Variants in SLC15A3 observed in about 807,000 individuals in gnomAD.
The protein encoded by SLC15A3 is osteoclast transporter.
A neutral mutation model predicts 49.2 loss-of-function variants in SLC15A3; 39 were observed. The ratio of observed to expected loss-of-function variants is 0.79; its 90% confidence interval spans 0.61 to 1.04. The LOEUF is 1.04. Ranked by LOEUF, SLC15A3 falls within the 50% of genes least tolerant of loss-of-function variation. The pLI is 0.00. For missense variants in SLC15A3, 758 were observed against 794.8 expected, an observed-to-expected ratio of 0.95 and a Z score of 0.56; for synonymous variants, 339 against 367.0, an observed-to-expected ratio of 0.92 and a Z score of 0.87.
chr11:60,937,789 T>A (rs1856642112), intron 7 of SLC15A3, 81 bp downstream of exon 7: 1 of 1,509,378 alleles, frequency 6.6e-7, no homozygotes, highest in African/African-American at 1.4e-5. Context: ...CTCCCCAGAG[T>A]CAAAGCACTT....
rs568756172 is a variant in SLC15A3, at chr11:60,938,670, C to T, written c.1436-645G>A. Among the ~76,000 whole-genome samples, 3 of 152,302 alleles carry T rather than the reference C, an allele frequency of 2.0e-5. No individual in the cohort carries two copies. The East Asian group carries it at 5.8e-4, about 29-fold the overall frequency. On this transcript the variant is annotated intron_variant, in intron 6 of 7. Transcript: ENST00000227880. ...CTTCGGCTCCCTGCACCTCCCATGC[C>T]TCTCCAGCCCTATCCCCCACGCTTC...
intron 2 of SLC15A3, among the ~76,000 whole-genome samples, chr11:60,944,090 C>A (rs769759579): frequency 6.6e-6 from 1 of 152,170 alleles, no homozygotes; most frequent in Non-Finnish European, 1.5e-5. Context: ...ACCTGGGAGA[C>A]GGATGTTGCA....
chr11:60,937,581 G>T, intron 7 of SLC15A3: 2 of 748,890 alleles, frequency 2.7e-6, no homozygotes, highest in Non-Finnish European at 4.5e-6. Flanking sequence ...TCAGAAGGGG[G>T]CGTGAAATAT....
chr11:60,950,938 C>T (rs1856904609), intron 1 of SLC15A3, 56 bp downstream of exon 1: 1 of 1,381,596 alleles, frequency 7.2e-7, no homozygotes, highest in Non-Finnish European at 9.3e-7. Context: ...TGGGGGCCAG[C>T]CCTCCTTCCC....
In SLC15A3 at chr11:60,951,403, A is replaced by G; in HGVS notation, c.149T>C (p.Phe50Ser). ...CAGCACGAGGTTGGCGGTGACGCCG[A>G]AGAAGGCGGCGCGCTCCAGCATCTC... Reference protein sequence around the residue: ...LVEMLERAAFFGVTANLVLYL... With the variant: ...LVEMLERAAFSGVTANLVLYL... Residue 50 changes from phenylalanine to serine, a missense_variant, in exon 1 of 8, where the codon TTC (phenylalanine) becomes TCC (serine). Coordinates refer to ENST00000227880, the MANE Select transcript of SLC15A3 (RefSeq NM_016582.3). The G allele has an allele frequency of 6.5e-7, 1 of 1,534,626 alleles. No homozygotes were observed. The highest frequency in any genetic ancestry group is 8.7e-7 in the Non-Finnish European group (1 of 1,146,070).
chr11:60,946,657 A>T lies in SLC15A3; in HGVS notation c.723T>A (p.Phe241Leu). 6.2e-7 allele frequency: 1 copy of T among 1,614,116 alleles called. No individual in the cohort carries two copies. Among genetic ancestry groups the T allele is most frequent in the Non-Finnish European group, 8.5e-7 (1 of 1,179,980 alleles). The part of the protein sequence containing the change: ...SIPVGCVGLA[F>L]FIFLFATPVF... ...CGGGGGTGGCAAAGAGGAAGATGAA[A>T]AATGCCAGGCCCACACAGCCCACAG... The change falls in exon 2 of 8, where the codon TTT (phenylalanine) becomes TTA (leucine). Residue 241 changes from phenylalanine to leucine, a missense_variant. Phe to Leu is a conservative substitution (Grantham distance 22). Transcript: ENST00000227880.
intron 5 of SLC15A3, 59 bp from the exon 6 acceptor site, chr11:60,939,697 G>A (rs1329238499): frequency 1.3e-6 from 2 of 1,586,064 alleles, no homozygotes; most frequent in Non-Finnish European, 1.7e-6. Flanking sequence ...TTAGCCCACA[G>A]AAGAGCTTGT....
At chr11:60,948,464 T>G (rs570103484) in intron 1 of SLC15A3, among the ~76,000 whole-genome samples, 105 of 152,318 alleles carry the variant, frequency 6.9e-4, no homozygotes, top group Non-Finnish European at 1.1e-3. Context: ...AGCAAGTATG[T>G]GAAACACGCA....
chr11:60,946,508 C>T (rs1281264430), intron 2 of SLC15A3, 24 bp downstream of exon 2: 3 of 1,529,546 alleles, frequency 2.0e-6, no homozygotes, highest in African/African-American at 1.4e-5. Context: ...TTGGAGGCTC[C>T]CTGCACCCAG....
intron 5 of SLC15A3, chr11:60,940,590 A>C (rs1046302564): frequency 6.6e-6 from 1 of 152,216 alleles, no homozygotes; most frequent in African/African-American, 2.4e-5. Context: ...GACATAGCTC[A>C]GAGACTCTAA....
rs769865109 is a variant in SLC15A3, at chr11:60,937,910, C to G, written c.1551G>C (p.Leu517=). 4.3e-6 allele frequency: 7 copies of G among 1,614,068 alleles called. No individual in the cohort carries two copies. In the African/African-American group the frequency reaches 5.3e-5, roughly 12 times the overall value. ...AGTGCAGCCAGCCCCCGGGCAAGGA[C>G]AGCAGTGCCACTAGGCTGGAGCCCA... ...SLLGSSLVAL[L]SLPGGWLHCP... The change falls in exon 7 of 8, where the codon CTG becomes CTC. Residue 517 remains leucine (L), a synonymous_variant. Transcript: ENST00000227880.
intron 5 of SLC15A3, chr11:60,940,881 T>C (rs1856697835): frequency 5.4e-6 from 2 of 367,740 alleles, no homozygotes; most frequent in Non-Finnish European, 9.2e-6. Context: ...AAGGAGCTGA[T>C]AATTCACTGG....
chr11:60,937,188 A>T lies in SLC15A3; in HGVS notation c.*31T>A. On this transcript the variant is annotated 3_prime_UTR_variant, in exon 8 of 8. Transcript: ENST00000227880. ...GGGACTGCTGCCGTCTGTCCGGTAG[A>T]GTGAAGCAAGGGGGCTGGAATAGGG... is the stretch of plus-strand genomic sequence containing the variant. The T allele has an allele frequency of 3.1e-6, 5 of 1,601,904 alleles. No individual in the cohort carries two copies. The highest frequency in any genetic ancestry group is 4.3e-6 in the Non-Finnish European group (5 of 1,171,316).
intron 1 of SLC15A3, among the ~76,000 whole-genome samples, chr11:60,949,372 GAGAA>G (rs1438280733): frequency 3.7e-5 from 4 of 109,540 alleles, no homozygotes; most frequent in East Asian, 2.0e-4. Context: ...AGGAAAGAAA[GAGAA>G]AGAAAGAGAG....
Position 60,943,763 on chromosome 11 carries a change from C to T in SLC15A3, c.922G>A (p.Ala308Thr), listed in dbSNP as rs772096483. ...QPGASPQEDIANFQVLVKILP... is the reference protein window; with the variant it reads ...QPGASPQEDITNFQVLVKILP... Reference sequence around the variant, plus strand: ...ATCTTCACCAGCACCTGGAAGTTGGCGATGTCCTCTTGCGGGGAAGCCCCT... The same window carrying T: ...ATCTTCACCAGCACCTGGAAGTTGGTGATGTCCTCTTGCGGGGAAGCCCCT... Residue 308 changes from alanine (A) to threonine (T), a missense_variant, in exon 3 of 8, where the codon GCC (alanine) becomes ACC (threonine). By Grantham distance (58) the Ala-to-Thr change is moderately conservative. Around this residue, in one of 3 missense-constraint regions of SLC15A3, gnomAD observed 699 missense variants for 706.7 expected, o/e 0.99. Coordinates refer to ENST00000227880, the MANE Select transcript of SLC15A3 (RefSeq NM_016582.3). 1.4e-5 allele frequency: 22 copies of T among 1,604,694 alleles called. No homozygotes were observed. Among genetic ancestry groups the T allele is most frequent in the East Asian group, 2.3e-5 (1 of 44,224 alleles).
In SLC15A3 at chr11:60,946,561, G is replaced by A. The variant is rs767414465; in HGVS notation, c.819C>T (p.Cys273=). ...SMLKLALQNC[C]PQLWQRHSAR... is the part of the protein sequence containing the mutation. ...CCGAGTGTCGTTGCCACAGCTGGGG[G>A]CAGCAGTTTTGGAGAGCGAGCTTAA... The change falls in exon 2 of 8, where the codon TGC becomes TGT. Residue 273 remains cysteine, a synonymous_variant. Transcript: ENST00000227880. 6.3e-7 allele frequency: 1 copy of A among 1,584,588 alleles called. No individual in the cohort carries two copies. Among genetic ancestry groups the A allele is most frequent in the Non-Finnish European group, 8.6e-7 (1 of 1,161,076 alleles).
chr11:60,938,319 C>A (rs2134921443), intron 6 of SLC15A3, among the ~76,000 whole-genome samples: 1 of 152,324 alleles, frequency 6.6e-6, no homozygotes, highest in Non-Finnish European at 1.5e-5. Context: ...AGTGACAGCA[C>A]CATCTTTACC....
intron 1 of SLC15A3, among the ~76,000 whole-genome samples, chr11:60,949,626 C>T (rs1175947173): frequency 6.6e-6 from 1 of 152,220 alleles, no homozygotes; most frequent in Non-Finnish European, 1.5e-5. Context: ...GGATCCTAAA[C>T]AAGCTGGACA....
In SLC15A3 at chr11:60,951,109, C is replaced by A. The variant is rs777767786; in HGVS notation, c.443G>T (p.Cys148Phe). The A allele has an allele frequency of 2.0e-6, 3 of 1,475,516 alleles. No homozygotes were observed. The highest frequency in any genetic ancestry group is 1.3e-5 in the South Asian group (1 of 75,852). 91.4% of individuals were successfully genotyped at this position (1,475,516 alleles called of 1,614,324 possible). The change falls in exon 1 of 8, where the codon TGC becomes TTC. Residue 148 changes from cysteine to phenylalanine, a missense_variant. This residue lies in a region of SLC15A3 where 699 missense variants were observed against 706.7 expected (regional missense o/e 0.99). Transcript: ENST00000227880. ...PLGPACPSAG[C>F]PRSSPSPYCA... ...GTAGGGGCTGGGCGAGGAGCGCGGGCAGCCGGCCGAGGGGCAGGCAGGTCC... is the reference window on the plus strand; with the variant it reads ...GTAGGGGCTGGGCGAGGAGCGCGGGAAGCCGGCCGAGGGGCAGGCAGGTCC...
Sources: gnomAD v4.1 joint callset for allele counts (sites outside exome capture counted in the v4.1 genomes callset) on GRCh38, gnomAD v4.1.1 for gene constraint, gnomAD v4.1.1 regional missense constraint, MANE v1.5 for transcripts, NCBI Gene and HGNC (gene_info 2026-07-23, HGNC 2026-07-21) for gene names.